Variants in SARM1 observed in about 807,000 individuals in gnomAD.
SARM1 encodes NAD(+) hydrolase SARM1.
Under a neutral mutation model 65.1 loss-of-function variants are expected in SARM1, and 60 were observed. The observed-to-expected ratio is 0.92, with a 90% confidence interval of 0.75 to 1.14. SARM1 has a LOEUF of 1.14. Ranked by LOEUF, SARM1 falls within the 50% of genes most tolerant of loss-of-function variation. The probability of loss-of-function intolerance (pLI) is 0.00; values close to 1 mark genes in which losing one functional copy is unlikely to be tolerated. For synonymous variants in SARM1, 417 were observed against 465.4 expected (o/e 0.90, Z 1.34); for missense variants, 913 against 1,015.7 (o/e 0.90, Z 1.37).
chr17:28,396,234 C>G lies in SARM1; in HGVS notation c.2123C>G (p.Ser708Cys). 6.2e-7 allele frequency: 1 copy of G among 1,614,010 alleles called. No individual in the cohort carries two copies. The highest frequency in any genetic ancestry group is 8.5e-7 in the Non-Finnish European group (1 of 1,179,866). Residue 708 changes from serine to cysteine, a missense_variant, in exon 9 of 9, where the codon TCT becomes TGT. Ser to Cys is a moderately radical substitution (Grantham distance 112). Transcript: ENST00000585482. ...FLQGRSSRDS[S>C]AGSDTSLEGA... ...CAGGGCCGCTCCTCCCGGGACTCATCTGCAGGCTCTGACACCAGTTTGGAG... is the reference window on the plus strand; with the variant it reads ...CAGGGCCGCTCCTCCCGGGACTCATGTGCAGGCTCTGACACCAGTTTGGAG...
intron 5 of SARM1, chr17:28,387,890 G>T: frequency 2.2e-6 from 1 of 450,198 alleles, no homozygotes; most frequent in Admixed American, 3.5e-5. Context: ...GAGTGATTGT[G>T]GGCAGCTGGC....
rs567660318 is a variant in SARM1, at chr17:28,385,973, C to T, written c.1630+698C>T. Among the ~76,000 whole-genome samples the T allele has an allele frequency of 1.7e-3, 257 of 152,180 alleles. No individual in the cohort carries two copies. The highest frequency in any genetic ancestry group is 3.4e-3 in the Middle Eastern group (1 of 294). On this transcript the variant is annotated intron_variant, in intron 5 of 8. Transcript: ENST00000585482. The surrounding 1 kb of genome is among the most constrained non-coding windows in gnomAD (Gnocchi z 4.5). ...TTTTTAAAATCAACCTTAAAGAACTCTTGAAAGAATAAAAAGAGGAGTAAG... is the reference window on the plus strand; with the variant it reads ...TTTTTAAAATCAACCTTAAAGAACTTTTGAAAGAATAAAAAGAGGAGTAAG...
intron 7 of SARM1, chr17:28,394,933 A>G (rs1216335603): frequency 6.6e-6 from 1 of 151,884 alleles, no homozygotes; most frequent in Non-Finnish European, 1.5e-5. Context: ...AGATGACTTT[A>G]TTACCCCCTG....
chr17:28,379,791 G>C (rs1003260101), intron 1 of SARM1, among the ~76,000 whole-genome samples: 2 of 152,230 alleles, frequency 1.3e-5, no homozygotes, highest in South Asian at 2.1e-4. Flanking sequence ...TAACATTTGA[G>C]CAGACATTGG....
intron 1 of SARM1, chr17:28,373,935 A>AC (rs782523849): frequency 2.6e-5 from 4 of 152,242 alleles, no homozygotes; most frequent in Non-Finnish European, 5.9e-5. Context: ...AGGACAGAGC[A>AC]CAACGTGCGT....
In SARM1 at chr17:28,372,166, C is replaced by A; in HGVS notation, c.134C>A (p.Ala45Glu). 1 of 1,367,034 alleles carries A rather than the reference C, an allele frequency of 7.3e-7. No homozygotes were observed. Among genetic ancestry groups the A allele is most frequent in the Non-Finnish European group, 9.3e-7 (1 of 1,070,478 alleles). The allele number at this position is 1,367,034 out of a possible 1,614,324, so 84.7% of individuals were successfully genotyped here. The change falls in exon 1 of 9, where the codon GCG becomes GAG. Residue 45 changes from alanine to glutamate, a missense_variant. This residue lies in a region of SARM1 where 862 missense variants were observed against 952.1 expected (regional missense o/e 0.91). Transcript: ENST00000585482. This position sits in a 1 kb window ranked among gnomAD's most constrained non-coding sequence, Gnocchi z 5.2. ...GGTGGCACGGGCCCATGGTGGGCTGCGGGTGGCCGCGGGCCCCGCGAAGTG... is the reference window on the plus strand; with the variant it reads ...GGTGGCACGGGCCCATGGTGGGCTGAGGGTGGCCGCGGGCCCCGCGAAGTG... ...GGGGTGPWWA[A>E]GGRGPREVSP...
rs1338245699 is a variant in SARM1, at chr17:28,372,302, C to T, written c.270C>T (p.Ala90=). ...KQAGGARAVG[A]GLAEVFQLVE... is the part of the protein sequence containing the mutation. ...CGGGCGGCGCGCGGGCCGTGGGCGC[C>T]GGCCTGGCCGAGGTCTTCCAACTGG... The change falls in exon 1 of 9, where the codon GCC becomes GCT. Residue 90 remains alanine (A), a synonymous_variant. Coordinates refer to ENST00000585482, the MANE Select transcript of SARM1 (RefSeq NM_015077.4). This position sits in a 1 kb window ranked among gnomAD's most constrained non-coding sequence, Gnocchi z 5.2. 155 of 1,412,958 alleles carry T rather than the reference C, an allele frequency of 1.1e-4. No individual in the cohort carries two copies. The highest frequency in any genetic ancestry group is 1.4e-4 in the Non-Finnish European group (154 of 1,094,526). 87.5% of individuals were successfully genotyped at this position (1,412,958 alleles called of 1,614,324 possible). A position where few individuals can be genotyped will look rare whatever the true frequency, so the allele number is the denominator to read the frequency against.
chr17:28,383,296 C>T (rs1264889625), intron 2 of SARM1, among the ~76,000 whole-genome samples: 1 of 152,154 alleles, frequency 6.6e-6, no homozygotes, highest in Non-Finnish European at 1.5e-5. Context: ...ATCACAGGAA[C>T]CTGGGAGGCA....
chr17:28,386,439 C>T (rs1300329061), intron 5 of SARM1, among the ~76,000 whole-genome samples: 1 of 136,610 alleles, frequency 7.3e-6, no homozygotes, highest in African/African-American at 2.8e-5. Context: ...ATGAAACTAA[C>T]ATTTAAAGAA....
rs2239909 is a variant in SARM1 at position 28,397,882 on chromosome 17, T to C, written c.*1596T>C. The C allele has an allele frequency of 1.1e-3, 161 of 152,950 alleles. 4 individuals are homozygous for C. In the East Asian group the frequency reaches 0.024, roughly 23 times the overall value. The allele number at this position is 152,950 out of a possible 1,614,324, so 9.5% of individuals were successfully genotyped here. A position where few individuals can be genotyped will look rare whatever the true frequency, so the allele number is the denominator to read the frequency against. On this transcript the variant is annotated 3_prime_UTR_variant, in exon 9 of 9. Coordinates refer to ENST00000585482, the MANE Select transcript of SARM1 (RefSeq NM_015077.4). ...CTGCGCCCCCAGCCCCACTCTTGGC[T>C]GTGCTGGCCAGGTGACTCCTAGTTC... is the stretch of plus-strand genomic sequence containing the variant.
At position 28,384,980 on chromosome 17, in the gene SARM1, C is replaced by G. The variant is rs782499897; in HGVS notation, c.1394+50C>G. The G allele has an allele frequency of 3.1e-6, 5 of 1,598,414 alleles. No homozygotes were observed. The South Asian group carries it at 4.5e-5, about 14-fold the overall frequency. ...CCCCAGCTAGGTCTAAATAAGCTCC[C>G]CCTCCGCCCACAGCCCGTCCGAGTC... On this transcript the variant is annotated intron_variant, in intron 4 of 8. Transcript: ENST00000585482. The surrounding 1 kb of genome is among the most constrained non-coding windows in gnomAD (Gnocchi z 4.4).
intron 7 of SARM1, among the ~76,000 whole-genome samples, chr17:28,391,831 G>A (rs568183982): frequency 6.6e-6 from 1 of 151,100 alleles, no homozygotes; most frequent in South Asian, 2.1e-4. Context: ...CCATGCCTGG[G>A]AGAGCCATAC....
In SARM1 at chr17:28,384,924, G is replaced by A. The variant is rs868978881; in HGVS notation, c.1388G>A (p.Arg463His). ...TDLGMKSGIT[R>H]KRFFRELTEL... ...CTGGGCATGAAATCGGGCATCACCC[G>A]CAAGAGGTACGGAGCCTCCTGCCCG... The change falls in exon 4 of 9, where the codon CGC becomes CAC. Residue 463 changes from arginine (R) to histidine (H), a missense_variant. Physicochemically the swap from Arg to His is conservative, Grantham distance 29. Coordinates refer to ENST00000585482, the MANE Select transcript of SARM1 (RefSeq NM_015077.4). This position sits in a 1 kb window ranked among gnomAD's most constrained non-coding sequence, Gnocchi z 4.4. 2 of 1,567,534 alleles carry A rather than the reference G, an allele frequency of 1.3e-6. No individual in the cohort carries two copies. The highest frequency in any genetic ancestry group is 1.7e-6 in the Non-Finnish European group (2 of 1,156,226).
chr17:28,379,510 C>T (rs1423539324), intron 1 of SARM1, among the ~76,000 whole-genome samples: 2 of 151,912 alleles, frequency 1.3e-5, no homozygotes, highest in African/African-American at 2.4e-5. Flanking sequence ...CAGGGTTTCA[C>T]CATGTTAGCC....
chr17:28,381,820 A>G lies in SARM1; in HGVS notation c.1088A>G (p.Lys363Arg), dbSNP rs550771122. 48 of 1,443,098 alleles carry G rather than the reference A, an allele frequency of 3.3e-5. No individual in the cohort carries two copies. In the East Asian group the frequency reaches 1.2e-3, roughly 36 times the overall value. The allele number at this position is 1,443,098 out of a possible 1,614,324, so 89.4% of individuals were successfully genotyped here. The change falls in exon 2 of 9, where the codon AAG becomes AGG. Residue 363 changes from lysine to arginine, a missense_variant and splice_region_variant. Coordinates refer to ENST00000585482, the MANE Select transcript of SARM1 (RefSeq NM_015077.4). ...ATCAAGAGCCTGCAAGGCAAGACCA[A>G]GGTGGGTGCAGATGTGGGGTTGGGT... is the stretch of plus-strand genomic sequence containing the variant. ...AAIKSLQGKT[K>R]VFSDIGAIQS...
chr17:28,391,917 G>A (rs1213736284), intron 7 of SARM1, among the ~76,000 whole-genome samples: 16 of 139,138 alleles, frequency 1.1e-4, no homozygotes, highest in African/African-American at 3.8e-4. Context: ...ATAGGGTTTC[G>A]CTATGTCACC....
At position 28,381,626 on chromosome 17, in the gene SARM1, G is replaced by C. The variant is rs149305024; in HGVS notation, c.894G>C (p.Pro298=). The C allele has an allele frequency of 1.9e-6, 3 of 1,570,812 alleles. No individual in the cohort carries two copies. Among genetic ancestry groups the C allele is most frequent in the Non-Finnish European group, 2.6e-6 (3 of 1,159,436 alleles). Residue 298 remains proline, a synonymous_variant, in exon 2 of 9, where the codon CCG becomes CCC. Transcript: ENST00000585482. ...ERSGTLALVE[P]LVASLDPGRF... is the part of the protein sequence containing the mutation. The stretch of plus-strand genomic sequence containing the variant: ...CGGGCACGCTGGCGCTCGTGGAGCC[G>C]CTTGTGGCCTCGCTGGACCCTGGCC...
At chr17:28,374,195 C>G (rs937431007) in intron 1 of SARM1, 25 of 145,236 alleles carry the variant, frequency 1.7e-4, no homozygotes, top group African/African-American at 5.6e-4. Flanking sequence ...AAGAATCGCA[C>G]AGAACCCGGG....
intron 1 of SARM1, chr17:28,374,381 G>A (rs1006636268): frequency 1.3e-5 from 2 of 151,838 alleles, no homozygotes; most frequent in Non-Finnish European, 2.9e-5. Flanking sequence ...ACAAAAATTA[G>A]CCAGGCATGG....
Sources: gnomAD v4.1 joint callset for allele counts (sites outside exome capture counted in the v4.1 genomes callset) on GRCh38, gnomAD v4.1.1 for gene constraint, gnomAD v4.1.1 regional missense constraint, Gnocchi (gnomAD v3.1) non-coding constraint, MANE v1.5 for transcripts, NCBI Gene and HGNC (gene_info 2026-07-23, HGNC 2026-07-21) for gene names.